The following MYRIP variants were observed in gnomAD, a reference collection of about 807,000 sequenced individuals.
MYRIP encodes myosin VIIA and Rab interacting protein, also known as rab effector MyRIP.
A neutral mutation model predicts 98.0 loss-of-function variants in MYRIP; 49 were observed. The observed-to-expected ratio is 0.50, with a 90% confidence interval of 0.40 to 0.63. MYRIP has a LOEUF of 0.63. MYRIP is among the 30% of genes least tolerant of loss of function. The pLI, the probability that MYRIP is intolerant of heterozygous loss-of-function variation, is 0.00. For missense variants in MYRIP, 1,004 were observed against 1,058.2 expected (o/e 0.95, Z 0.71); for synonymous variants, 404 against 409.5 (o/e 0.99, Z 0.16).
chr3:39,839,782 A>G (rs1941739160), intron 1 of MYRIP, among the ~76,000 whole-genome samples: 1 of 151,950 alleles, frequency 6.6e-6, no homozygotes, highest in African/African-American at 2.4e-5. Context: ...TTTCATGTGT[A>G]TTTTGAGTGA....
intron 5 of MYRIP, among the ~76,000 whole-genome samples, chr3:40,166,243 C>T (rs1255323300): frequency 6.6e-6 from 1 of 152,202 alleles, no homozygotes; most frequent in Non-Finnish European, 1.5e-5. Context: ...TCACAATATA[C>T]ATTATATGAA....
chr3:39,882,487 T>G (rs1171643847), intron 1 of MYRIP, among the ~76,000 whole-genome samples: 1 of 152,144 alleles, frequency 6.6e-6, no homozygotes, highest in African/African-American at 2.4e-5. Flanking sequence ...TTATTTTAAT[T>G]TGTCTATTTT....
intron 2 of MYRIP, among the ~76,000 whole-genome samples, chr3:40,000,030 A>C (rs1359489860): frequency 2.6e-5 from 3 of 113,712 alleles, no homozygotes; most frequent in Non-Finnish European, 3.5e-5. Context: ...CTGTTGTGGG[A>C]GGAGGGGAGG....
intron 1 of MYRIP, among the ~76,000 whole-genome samples, chr3:39,829,366 G>T (rs540755356): frequency 1.3e-5 from 2 of 152,312 alleles, no homozygotes; most frequent in African/African-American, 4.8e-5. Context: ...ATTCTATGGA[G>T]AATGTTTCAC....
intron 9 of MYRIP, among the ~76,000 whole-genome samples, chr3:40,188,479 G>GAAA (rs35216480): frequency 0.013 from 1,781 of 137,646 alleles, 44 homozygotes; most frequent in African/African-American, 0.044. Flanking sequence ...TGGTTAAAAG[G>GAAA]AAAAAAAAAA....
At chr3:39,970,407 T>C (rs1223444623) in intron 2 of MYRIP, 1 of 152,156 alleles carries the variant, frequency 6.6e-6, no homozygotes, top group Non-Finnish European at 1.5e-5. Context: ...GATAAGAGAT[T>C]GAAGAAGCAT....
intron 3 of MYRIP, among the ~76,000 whole-genome samples, chr3:40,144,097 TA>T (rs1206314042): frequency 6.6e-6 from 1 of 152,200 alleles, no homozygotes; most frequent in African/African-American, 2.4e-5. Context: ...TTGCAAATAA[TA>T]AAAACTCAAC....
At chr3:40,216,518 A>G (rs190891241) in intron 11 of MYRIP, among the ~76,000 whole-genome samples, 1 of 152,346 alleles carries the variant, frequency 6.6e-6, no homozygotes, top group Admixed American at 6.5e-5. Flanking sequence ...AGAAAATACT[A>G]GCAAACTAAA....
chr3:39,958,369 A>G (rs1945224888), intron 2 of MYRIP, among the ~76,000 whole-genome samples: 1 of 152,218 alleles, frequency 6.6e-6, no homozygotes, highest in African/African-American at 2.4e-5. Flanking sequence ...CTCAGAAATA[A>G]TGCCACAAAG....
intron 2 of MYRIP, among the ~76,000 whole-genome samples, chr3:39,993,730 C>G (rs912696678): frequency 6.6e-6 from 1 of 152,176 alleles, no homozygotes; most frequent in African/African-American, 2.4e-5. Context: ...CTGTCTTCCC[C>G]CTTCGAAGCA....
intron 1 of MYRIP, among the ~76,000 whole-genome samples, chr3:39,888,248 T>A (rs1943367316): frequency 6.6e-6 from 1 of 152,100 alleles, no homozygotes; most frequent in Non-Finnish European, 1.5e-5. Flanking sequence ...AGAACAAAGC[T>A]GGAGGCATCA....
chr3:40,165,130 G>A (rs940381740), intron 5 of MYRIP, among the ~76,000 whole-genome samples: 11 of 152,244 alleles, frequency 7.2e-5, no homozygotes, highest in African/African-American at 2.4e-4. Flanking sequence ...GGAGCTCTTA[G>A]TGTGATGACA....
At chr3:40,094,091 C>T (rs1342696202) in intron 3 of MYRIP, among the ~76,000 whole-genome samples, 2 of 152,126 alleles carry the variant, frequency 1.3e-5, no homozygotes, top group Non-Finnish European at 2.9e-5. Flanking sequence ...CTGTTCAGAC[C>T]TCCCCTCCAT....
At position 40,058,980 on chromosome 3, in the gene MYRIP, G is replaced by A. The variant is rs1947943720; in HGVS notation, c.332+14709G>A. On this transcript the variant is annotated intron_variant, in intron 3 of 16. Transcript: ENST00000302541. ...CCCGGTGTGTGATGTTCCCCTCCCT[G>A]TGTCCATGTGTTCTCATTGTTCAGC... Among the ~76,000 whole-genome samples the A allele has an allele frequency of 1.6e-5, 2 of 127,774 alleles. 1 individual carries two copies. Among genetic ancestry groups the A allele is most frequent in the African/African-American group, 6.1e-5 (2 of 32,526 alleles). 83.8% of individuals were successfully genotyped at this position (127,774 alleles called of 152,430 possible). A position where few individuals can be genotyped will look rare whatever the true frequency, so the allele number is the denominator to read the frequency against.
At chr3:39,864,051 T>C (rs1287052375) in intron 1 of MYRIP, among the ~76,000 whole-genome samples, 1 of 152,112 alleles carries the variant, frequency 6.6e-6, no homozygotes, top group Non-Finnish European at 1.5e-5. Context: ...ACAAAAATCA[T>C]ATGATGATCT....
At chr3:40,215,748 C>T (rs1227076019) in intron 11 of MYRIP, among the ~76,000 whole-genome samples, 6 of 152,216 alleles carry the variant, frequency 3.9e-5, no homozygotes, top group Non-Finnish European at 5.9e-5. Context: ...AGTGCCTCAT[C>T]TTCACTTACT....
At chr3:40,122,320 G>A (rs1194467809) in intron 3 of MYRIP, among the ~76,000 whole-genome samples, 1 of 151,608 alleles carries the variant, frequency 6.6e-6, no homozygotes. Flanking sequence ...AGAAATTAAG[G>A]AGATTATAGA....
chr3:40,069,967 G>A (rs749365164), intron 3 of MYRIP, among the ~76,000 whole-genome samples: 68 of 152,162 alleles, frequency 4.5e-4, no homozygotes, highest in Non-Finnish European at 8.8e-5. Flanking sequence ...GTGGTTCGCA[G>A]TATCTTTCCA....
At chr3:40,172,169 G>C (rs1950632653) in intron 8 of MYRIP, among the ~76,000 whole-genome samples, 3 of 152,184 alleles carry the variant, frequency 2.0e-5, no homozygotes, top group Admixed American at 2.0e-4. Flanking sequence ...AGATACAGCA[G>C]ACTCCACCAT....
Sources: allele counts gnomAD v4.1 joint callset (sites outside exome capture counted in the v4.1 genomes callset), GRCh38; gene constraint gnomAD v4.1.1; transcripts MANE v1.5; gene names NCBI Gene and HGNC (gene_info 2026-07-23, HGNC 2026-07-21).